SYNPR: variants seen among roughly 807,000 people sequenced by gnomAD.
SYNPR encodes synaptoporin.
Under a neutral mutation model 32.9 loss-of-function variants are expected in SYNPR, and 23 were observed. That is an observed-to-expected ratio of 0.70 (90% confidence interval 0.50 to 0.99). The LOEUF (loss-of-function observed/expected upper bound fraction) is 0.99, where lower values mean the gene tolerates loss of function less well. Among genes scored for constraint, SYNPR ranks in the 50% least tolerant of loss-of-function variants. SYNPR has a pLI of 0.00. For missense variants in SYNPR, 318 were observed against 349.3 expected (o/e 0.91, Z 0.71); for synonymous variants, 146 against 135.9 (o/e 1.07, Z -0.52).
In SYNPR at chr3:63,368,277, AT is replaced by A. The variant is rs140523510; in HGVS notation, c.84+89536del. Among the ~76,000 whole-genome samples, 348 of 152,300 alleles carry A rather than the reference AT, an allele frequency of 2.3e-3. 1 individual carries two copies. Among genetic ancestry groups the A allele is most frequent in the African/African-American group, 8.0e-3 (334 of 41,562 alleles). ...CAGCAGAGGTTCAGTAAATACTTGG[AT>A]AATACATTAATGAGTGACCAGTGGT... On this transcript the variant is annotated intron_variant, in intron 2 of 5. Coordinates refer to ENST00000478300, the MANE Select transcript of SYNPR (RefSeq NM_001130003.2).
At chr3:63,505,073 G>C (rs191202874) in intron 3 of SYNPR, among the ~76,000 whole-genome samples, 13 of 152,154 alleles carry the variant, frequency 8.5e-5, no homozygotes, top group Admixed American at 5.2e-4. Context: ...GGAGCATACT[G>C]TCAGTGATCA....
At chr3:63,609,049 G>T in intron 4 of SYNPR, 76 bp from the exon 5 acceptor site, 2 of 1,478,440 alleles carry the variant, frequency 1.4e-6, no homozygotes, top group Non-Finnish European at 1.8e-6. Context: ...AAACCAAATA[G>T]TTATATAAAC....
chr3:63,515,225 C>G (rs946345464), intron 3 of SYNPR, among the ~76,000 whole-genome samples: 3 of 152,016 alleles, frequency 2.0e-5, no homozygotes, highest in Non-Finnish European at 4.4e-5. Context: ...TATGATATAT[C>G]AGACTTTGCC....
At chr3:63,260,378 G>A (rs139046271) in intron 2 of SYNPR, among the ~76,000 whole-genome samples, 1 of 152,082 alleles carries the variant, frequency 6.6e-6, no homozygotes, top group Non-Finnish European at 1.5e-5. Context: ...CAGAGATATA[G>A]ACCAATGGAA....
At chr3:63,416,409 G>A (rs939889280) in intron 2 of SYNPR, among the ~76,000 whole-genome samples, 1 of 151,902 alleles carries the variant, frequency 6.6e-6, no homozygotes, top group Non-Finnish European at 1.5e-5. Context: ...GTGCGTGCCT[G>A]TAGTCCCAGC....
At chr3:63,479,557 G>T (rs1161325726) in intron 2 of SYNPR, among the ~76,000 whole-genome samples, 2 of 151,980 alleles carry the variant, frequency 1.3e-5, no homozygotes, top group Non-Finnish European at 2.9e-5. Context: ...AAGATAAATG[G>T]CCAATTGAGA....
chr3:63,258,989 C>G (rs1420633885), intron 2 of SYNPR, among the ~76,000 whole-genome samples: 1 of 152,136 alleles, frequency 6.6e-6, no homozygotes, highest in African/African-American at 2.4e-5. Flanking sequence ...TGGATAAATT[C>G]CTGGACACAT....
At chr3:63,555,815 G>C (rs1702586526) in intron 3 of SYNPR, among the ~76,000 whole-genome samples, 1 of 152,126 alleles carries the variant, frequency 6.6e-6, no homozygotes. Flanking sequence ...TCACAGTTGA[G>C]TGGTCAGTGG....
intron 2 of SYNPR, among the ~76,000 whole-genome samples, chr3:63,435,832 C>T (rs2107151542): frequency 6.6e-6 from 1 of 152,212 alleles, no homozygotes; most frequent in East Asian, 1.9e-4. Flanking sequence ...ATATACCTAC[C>T]TTTATAATTA....
intron 2 of SYNPR, among the ~76,000 whole-genome samples, chr3:63,333,007 A>G (rs1432002832): frequency 2.0e-5 from 3 of 152,100 alleles, no homozygotes; most frequent in Admixed American, 6.5e-5. Context: ...ATGTCTCCAG[A>G]TACTGTCTCC....
At chr3:63,399,714 G>T (rs1232948211) in intron 2 of SYNPR, among the ~76,000 whole-genome samples, 1 of 152,072 alleles carries the variant, frequency 6.6e-6, no homozygotes, top group Non-Finnish European at 1.5e-5. Context: ...CTAGGTTATT[G>T]TGCCAAGTTT....
chr3:63,598,949 C>T (rs1011933572), intron 4 of SYNPR, among the ~76,000 whole-genome samples: 11 of 152,238 alleles, frequency 7.2e-5, no homozygotes, highest in Non-Finnish European at 1.0e-4. Context: ...AAGAAATCCA[C>T]TTCTCAAGTG....
At chr3:63,287,559 C>A (rs960312828) in intron 2 of SYNPR, among the ~76,000 whole-genome samples, 1 of 152,154 alleles carries the variant, frequency 6.6e-6, no homozygotes, top group African/African-American at 2.4e-5. Context: ...TAACACAGTG[C>A]TTAACACACA....
At chr3:63,566,757 T>A (rs1020047796) in intron 4 of SYNPR, among the ~76,000 whole-genome samples, 3 of 152,218 alleles carry the variant, frequency 2.0e-5, no homozygotes, top group Non-Finnish European at 4.4e-5. Flanking sequence ...ATGAAGAGAC[T>A]AACGTTTCCT....
intron 2 of SYNPR, among the ~76,000 whole-genome samples, chr3:63,337,691 A>AT (rs2087312881): frequency 6.6e-6 from 1 of 152,238 alleles, no homozygotes; most frequent in African/African-American, 2.4e-5. Context: ...TAAAAAACAA[A>AT]TATCAATTAA....
intron 3 of SYNPR, among the ~76,000 whole-genome samples, chr3:63,496,587 A>AT (rs1701378111): frequency 1.3e-5 from 2 of 152,164 alleles, no homozygotes; most frequent in Admixed American, 1.3e-4. Flanking sequence ...CCAAAAGACA[A>AT]TTTATATGCC....
chr3:63,304,437 T>C (rs754184698), intron 2 of SYNPR, among the ~76,000 whole-genome samples: 1 of 151,910 alleles, frequency 6.6e-6, no homozygotes, highest in South Asian at 2.1e-4. Context: ...TTTAACAATG[T>C]CTGAATTGCT....
chr3:63,315,088 G>C (rs777326474), intron 2 of SYNPR, among the ~76,000 whole-genome samples: 1 of 151,938 alleles, frequency 6.6e-6, no homozygotes, highest in Non-Finnish European at 1.5e-5. Context: ...TGTGTCATTG[G>C]TCTATGTGCC....
rs1234480970 is a variant in SYNPR, at chr3:63,479,453, CACAT to C, written c.85-1375_85-1372del. The stretch of plus-strand genomic sequence containing the variant: ...TAAAACTGCCACACACATGCACACA[CACAT>C]ACACACACACACACGTGACTCACAA... On this transcript the variant is annotated intron_variant, in intron 2 of 5. Transcript: ENST00000478300. Among the ~76,000 whole-genome samples, 6 of 152,252 alleles carry C rather than the reference CACAT, an allele frequency of 3.9e-5. No individual in the cohort carries two copies. In the East Asian group the frequency reaches 9.7e-4, roughly 25 times the overall value.
Sources: allele counts gnomAD v4.1 joint callset (sites outside exome capture counted in the v4.1 genomes callset), GRCh38; gene constraint gnomAD v4.1.1; transcripts MANE v1.5; gene names NCBI Gene and HGNC (gene_info 2026-07-23, HGNC 2026-07-21).